RNF135: variants seen among roughly 807,000 people sequenced by gnomAD.
RNF135 encodes the protein E3 ubiquitin-protein ligase RNF135.
Under a neutral mutation model 41.9 loss-of-function variants are expected in RNF135, and 46 were observed. The observed-to-expected ratio is 1.10, with a 90% confidence interval of 0.87 to 1.40. The LOEUF is 1.40. Ranked by LOEUF, RNF135 falls within the 40% of genes most tolerant of loss-of-function variation. The probability of loss-of-function intolerance (pLI) is 0.00; values close to 1 mark genes in which losing one functional copy is unlikely to be tolerated. For synonymous variants in RNF135, 238 were observed against 223.8 expected, an observed-to-expected ratio of 1.06 and a Z score of -0.57; for missense variants, 539 against 549.8, an observed-to-expected ratio of 0.98 and a Z score of 0.20.
intron 3 of RNF135, among the ~76,000 whole-genome samples, chr17:30,993,257 C>T (rs577428031): frequency 1.2e-4 from 18 of 152,252 alleles, no homozygotes; most frequent in Non-Finnish European, 1.9e-4. Flanking sequence ...GATGGGGTTT[C>T]GCCATGTTGG....
intron 2 of RNF135, among the ~76,000 whole-genome samples, chr17:30,987,111 G>C (rs1339201574): frequency 1.3e-5 from 2 of 152,140 alleles, no homozygotes; most frequent in Admixed American, 6.6e-5. Flanking sequence ...AGGACCTGAG[G>C]CTAAAGAAAA....
Position 30,971,165 on chromosome 17 carries a change from C to T in RNF135, c.92C>T (p.Pro31Leu). The T allele has an allele frequency of 1.3e-6, 2 of 1,531,764 alleles. No individual in the cohort carries two copies. The highest frequency in any genetic ancestry group is 1.7e-6 in the Non-Finnish European group (2 of 1,145,064). The allele number at this position is 1,531,764 out of a possible 1,614,324, so 94.9% of individuals were successfully genotyped here. The change falls in exon 1 of 5, where the codon CCC becomes CTC. Residue 31 changes from proline to leucine, a missense_variant. Coordinates refer to ENST00000328381, the MANE Select transcript of RNF135 (RefSeq NM_032322.4). ...ATCTGCCAGGGGCTGCTGGACTGGC[C>T]CGCCACGCTGCCCTGCGGCCACAGC... The part of the protein sequence containing the change: ...CIICQGLLDW[P>L]ATLPCGHSFC...
chr17:30,988,912 TTTTC>T (rs1012646026), intron 3 of RNF135, among the ~76,000 whole-genome samples: 1 of 144,750 alleles, frequency 6.9e-6, no homozygotes, highest in Non-Finnish European at 1.5e-5. Context: ...TTTTTTTTTC[TTTTC>T]TTTCTTTCTT....
upstream of RNF135, among the ~76,000 whole-genome samples, chr17:30,966,708 T>C (rs1905567561): frequency 6.6e-6 from 1 of 150,962 alleles, no homozygotes; most frequent in South Asian, 2.1e-4. Context: ...GGTTTCACCG[T>C]GTTTGCCAGG....
chr17:30,963,348 TGAG>T, the RNF135 span, among the ~76,000 whole-genome samples: 11 of 151,714 alleles, frequency 7.3e-5, no homozygotes, highest in African/African-American at 2.7e-4. Flanking sequence ...TTTGGGAGGC[TGAG>T]GTGGGCAGAT....
the RNF135 span, among the ~76,000 whole-genome samples, chr17:30,962,094 A>G: frequency 6.6e-6 from 1 of 151,548 alleles, no homozygotes; most frequent in African/African-American, 2.4e-5. Context: ...CTTAATTTTC[A>G]AAATCCTCTT....
intron 1 of RNF135, among the ~76,000 whole-genome samples, chr17:30,977,651 G>A (rs925623767): frequency 6.6e-6 from 1 of 151,194 alleles, no homozygotes; most frequent in Non-Finnish European, 1.5e-5. Context: ...TGGGATTACA[G>A]GCCACCTCCT....
chr17:30,960,991 G>A, the RNF135 span, among the ~76,000 whole-genome samples: 2 of 151,842 alleles, frequency 1.3e-5, no homozygotes, highest in African/African-American at 2.4e-5. Context: ...CACCTGCCTC[G>A]GCCTCCCAAA....
At chr17:30,960,444 C>G in the RNF135 span, among the ~76,000 whole-genome samples, 1 of 151,624 alleles carries the variant, frequency 6.6e-6, no homozygotes, top group Non-Finnish European at 1.5e-5. Flanking sequence ...TGGCATGTGC[C>G]TGTAGTCCCA....
chr17:30,993,525 A>G (rs1173193197), intron 3 of RNF135, among the ~76,000 whole-genome samples: 2 of 151,970 alleles, frequency 1.3e-5, no homozygotes, highest in Admixed American at 6.6e-5. Flanking sequence ...TTTAAGTAAG[A>G]TTTGTGTAGT....
upstream of RNF135, among the ~76,000 whole-genome samples, chr17:30,966,662 A>ATT (rs764054702): frequency 1.5e-5 from 2 of 136,604 alleles, no homozygotes; most frequent in African/African-American, 2.7e-5. Flanking sequence ...TGCCTGGCTA[A>ATT]TTTTTTTTTT....
chr17:30,970,988 C>G (rs531469404), upstream of RNF135: 69 of 1,509,232 alleles, frequency 4.6e-5, no homozygotes, highest in South Asian at 7.2e-4. Flanking sequence ...AGGAGGAGGG[C>G]AAGGGGAAGA....
At chr17:30,974,664 CTTT>C (rs1348067719) in intron 1 of RNF135, among the ~76,000 whole-genome samples, 2 of 149,604 alleles carry the variant, frequency 1.3e-5, no homozygotes, top group African/African-American at 4.9e-5. Context: ...TATGTTATTC[CTTT>C]TTATTATTAT....
chr17:30,997,372 G>T, intron 4 of RNF135, 41 bp downstream of exon 4: 1 of 1,537,338 alleles, frequency 6.5e-7, no homozygotes, highest in South Asian at 1.1e-5. Flanking sequence ...TTGGCTTGCC[G>T]CAGAGCGGGC....
upstream of RNF135, among the ~76,000 whole-genome samples, chr17:30,966,206 C>T (rs1002376582): frequency 5.3e-5 from 8 of 152,080 alleles, no homozygotes; most frequent in Non-Finnish European, 1.0e-4. Context: ...ATTCCTTCCA[C>T]GGTTAGCTTG....
chr17:30,971,214 C>T lies in RNF135; in HGVS notation c.141C>T (p.Ala47=), dbSNP rs1222184197. 1.3e-6 allele frequency: 2 copies of T among 1,514,740 alleles called. No individual in the cohort carries two copies. The highest frequency in any genetic ancestry group is 2.6e-5 in the East Asian group (1 of 38,490). The allele number at this position is 1,514,740 out of a possible 1,614,324, so 93.8% of individuals were successfully genotyped here. Residue 47 remains alanine (A), a synonymous_variant, in exon 1 of 5, where the codon GCC becomes GCT. Transcript: ENST00000328381. ...GHSFCRHCLE[A]LWGARDARRW... is the part of the protein sequence containing the mutation. ...GCTTCTGCCGCCACTGCCTGGAGGC[C>T]CTGTGGGGCGCCCGCGACGCCCGCC...
upstream of RNF135, among the ~76,000 whole-genome samples, chr17:30,969,935 T>C (rs1905754956): frequency 6.6e-6 from 1 of 151,980 alleles, no homozygotes. Flanking sequence ...TGGCTTTTCT[T>C]TTCTTTTCTT....
chr17:30,974,565 A>G (rs1906267701), intron 1 of RNF135, among the ~76,000 whole-genome samples: 2 of 148,976 alleles, frequency 1.3e-5, no homozygotes, highest in South Asian at 4.3e-4. Flanking sequence ...ATTTATTTTT[A>G]TTTGGGTCTA....
chr17:30,965,108 G>C, the RNF135 span: 1 of 152,172 alleles, frequency 6.6e-6, no homozygotes, highest in East Asian at 1.9e-4. Context: ...CCAGCACTTT[G>C]GGAGGCTGAG....
Sources: gnomAD v4.1 joint callset for allele counts (sites outside exome capture counted in the v4.1 genomes callset) on GRCh38, gnomAD v4.1.1 for gene constraint, MANE v1.5 for transcripts, NCBI Gene and HGNC (gene_info 2026-07-23, HGNC 2026-07-21) for gene names.